The following AKAP13 variants were observed in gnomAD, a reference collection of about 807,000 sequenced individuals.
The protein encoded by AKAP13 is A-kinase anchoring protein 13, also known as A-kinase anchor protein 13.
A neutral mutation model predicts 264.5 loss-of-function variants in AKAP13; 80 were observed. That is an observed-to-expected ratio of 0.30 (90% CI 0.25 to 0.36). The LOEUF (loss-of-function observed/expected upper bound fraction) is 0.36, where lower values mean the gene tolerates loss of function less well. Ranked by LOEUF, AKAP13 falls within the 10% of genes least tolerant of loss-of-function variation. The pLI is 1.00. For synonymous variants in AKAP13, 1,380 were observed against 1,250.2 expected, an observed-to-expected ratio of 1.10 and a Z score of -2.19; for missense variants, 3,712 against 3,435.2, an observed-to-expected ratio of 1.08 and a Z score of -2.01.
chr15:85,691,705 C>G, intron 16 of AKAP13: 1 of 430,176 alleles, frequency 2.3e-6, no homozygotes, highest in Non-Finnish European at 4.7e-6. Flanking sequence ...TGCTGGTGTC[C>G]CCTGTGCTTT....
chr15:85,391,581 C>T (rs2070858599), intron 1 of AKAP13, among the ~76,000 whole-genome samples: 1 of 146,534 alleles, frequency 6.8e-6, no homozygotes, highest in Non-Finnish European at 1.5e-5. Context: ...CCCTTCTGGG[C>T]TCAAGTGAGT....
At chr15:85,476,343 A>G (rs566758344) in intron 1 of AKAP13, among the ~76,000 whole-genome samples, 1 of 152,318 alleles carries the variant, frequency 6.6e-6, no homozygotes, top group East Asian at 1.9e-4. Context: ...AGAGTACCTT[A>G]TCTGTTGGAA....
intron 15 of AKAP13, among the ~76,000 whole-genome samples, chr15:85,682,837 T>C (rs2151606332): frequency 6.6e-6 from 1 of 152,226 alleles, no homozygotes; most frequent in East Asian, 1.9e-4. Flanking sequence ...CCAGCTAATT[T>C]TGTATTTTTA....
chr15:85,748,762 G>GTGCAACCCCCCACTGGC lies in AKAP13; in HGVS notation c.*4088_*4104dup, dbSNP rs1567232106. Reference sequence around the variant, plus strand: ...CTCCATCTCACTAAGGGTTAAAGGCGTGCAACCCCCCACTGGCTGTGTCCC... The same window carrying GTGCAACCCCCCACTGGC: ...CTCCATCTCACTAAGGGTTAAAGGCGTGCAACCCCCCACTGGCTGCAACCCCCCACTGGCTGTGTCCC... On this transcript the variant is annotated 3_prime_UTR_variant, in exon 37 of 37. Transcript: ENST00000394518. 3 of 152,246 alleles carry GTGCAACCCCCCACTGGC rather than the reference G, an allele frequency of 2.0e-5. No homozygotes were observed. The highest frequency in any genetic ancestry group is 4.4e-5 in the Non-Finnish European group (3 of 68,072). The allele number at this position is 152,246 out of a possible 1,614,324, so 9.4% of individuals were successfully genotyped here.
In AKAP13 at chr15:85,570,511, G is replaced by A. The variant is rs575292127; in HGVS notation, c.663-4620G>A. Reference sequence around the variant, plus strand: ...CACAAAGCCTTAAAATGTTGAAATGGCTGGAAAGGAGGTAGAGATGGTGAG... The same window carrying A: ...CACAAAGCCTTAAAATGTTGAAATGACTGGAAAGGAGGTAGAGATGGTGAG... On this transcript the variant is annotated intron_variant, in intron 5 of 36. Coordinates refer to ENST00000394518, the MANE Select transcript of AKAP13 (RefSeq NM_007200.5). Among the ~76,000 whole-genome samples, 8 of 152,272 alleles carry A rather than the reference G, an allele frequency of 5.3e-5. No homozygotes were observed. In the South Asian group the frequency reaches 1.7e-3, roughly 32 times the overall value.
chr15:85,736,912 C>CTT (rs11407996), intron 33 of AKAP13, among the ~76,000 whole-genome samples: 14,403 of 97,974 alleles, frequency 0.15, 1,812 homozygotes, highest in East Asian at 0.21. Context: ...ATATCATCAT[C>CTT]TTTTTTTTTT....
At chr15:85,456,550 GTT>G (rs34952196) in intron 1 of AKAP13, among the ~76,000 whole-genome samples, 1,531 of 121,818 alleles carry the variant, frequency 0.013, 9 homozygotes, top group Middle Eastern at 0.021. Flanking sequence ...CCCACTTTCT[GTT>G]TTTTTTTTTT....
chr15:85,520,782 AC>A, intron 2 of AKAP13: 2 of 504,034 alleles, frequency 4.0e-6, no homozygotes, highest in Admixed American at 4.1e-5. Context: ...CTATGGGGAT[AC>A]GTTCTGAGAA....
intron 1 of AKAP13, among the ~76,000 whole-genome samples, chr15:85,391,280 C>CT (rs2070840526): frequency 1.3e-5 from 2 of 152,136 alleles, no homozygotes; most frequent in Non-Finnish European, 2.9e-5. Context: ...TTAGTGAACT[C>CT]TATTTTCCAT....
intron 1 of AKAP13, among the ~76,000 whole-genome samples, chr15:85,449,821 T>C (rs1207850774): frequency 6.6e-6 from 1 of 152,202 alleles, no homozygotes; most frequent in Admixed American, 6.5e-5. Context: ...GTTTTGCAAG[T>C]ATTTTATTGA....
chr15:85,619,009 A>C (rs556658418), intron 8 of AKAP13, among the ~76,000 whole-genome samples: 1 of 152,164 alleles, frequency 6.6e-6, no homozygotes, highest in African/African-American at 2.4e-5. Flanking sequence ...GGTAGTTTCA[A>C]TTTTCTGTAC....
rs746976845 is a variant in AKAP13, at chr15:85,655,649, A to C, written c.4607A>C (p.Glu1536Ala). ...EPADPGDVEEEEMDSITEVPA... is the reference protein window; with the variant it reads ...EPADPGDVEEAEMDSITEVPA... ...GCTGACCCAGGCGACGTGGAGGAGG[A>C]GGAGATGGACAGTATCACTGAAGTG... is the stretch of plus-strand genomic sequence containing the variant. Residue 1536 changes from glutamate to alanine, a missense_variant, in exon 11 of 37, where the codon GAG becomes GCG. Physicochemically the swap from Glu to Ala is moderately radical, Grantham distance 107. This residue lies in a region of AKAP13 where 2,759 missense variants were observed against 2,411.7 expected (regional missense o/e 1.14). Coordinates refer to ENST00000394518, the MANE Select transcript of AKAP13 (RefSeq NM_007200.5). 1.2e-6 allele frequency: 2 copies of C among 1,614,170 alleles called. No individual in the cohort carries two copies. Among genetic ancestry groups the C allele is most frequent in the Admixed American group, 3.3e-5 (2 of 60,024 alleles).
chr15:85,658,807 A>G (rs957763741), intron 12 of AKAP13, among the ~76,000 whole-genome samples: 1 of 152,126 alleles, frequency 6.6e-6, no homozygotes, highest in Non-Finnish European at 1.5e-5. Flanking sequence ...TATCTTTTTT[A>G]AAAATTATTT....
chr15:85,669,788 A>G lies in AKAP13; in HGVS notation c.5059A>G (p.Lys1687Glu). ...CTSAISSPLTKSISLMTISHP... is the reference protein window; with the variant it reads ...CTSAISSPLTESISLMTISHP... ...ATCAGCCATTTCCTCTCCATTGACA[A>G]AATCCATCTCATTAATGACAATCAG... is the stretch of plus-strand genomic sequence containing the variant. Residue 1687 changes from lysine to glutamate, a missense_variant, in exon 14 of 37, where the codon AAA (lysine) becomes GAA (glutamate). Physicochemically the swap from Lys to Glu is moderately conservative, Grantham distance 56. Coordinates refer to ENST00000394518, the MANE Select transcript of AKAP13 (RefSeq NM_007200.5). The G allele has an allele frequency of 4.3e-6, 7 of 1,613,560 alleles. No individual in the cohort carries two copies. Among genetic ancestry groups the G allele is most frequent in the Non-Finnish European group, 5.9e-6 (7 of 1,179,544 alleles).
chr15:85,462,597 A>G lies in AKAP13; in HGVS notation c.-11-23113A>G, dbSNP rs558327921. ...TGGAGATTGGATCCCAAGATGACCTACATGTTAAACTTAGCTGATAAGGAT... is the reference window on the plus strand; with the variant it reads ...TGGAGATTGGATCCCAAGATGACCTGCATGTTAAACTTAGCTGATAAGGAT... On this transcript the variant is annotated intron_variant, in intron 1 of 36. Coordinates refer to ENST00000394518, the MANE Select transcript of AKAP13 (RefSeq NM_007200.5). 2.3e-4 allele frequency among the ~76,000 whole-genome samples: 35 copies of G among 152,364 alleles called. No individual in the cohort carries two copies. In the South Asian group the frequency reaches 6.8e-3, roughly 30 times the overall value.
chr15:85,480,004 G>A (rs191772576), intron 1 of AKAP13, among the ~76,000 whole-genome samples: 1 of 152,180 alleles, frequency 6.6e-6, no homozygotes, highest in Non-Finnish European at 1.5e-5. Flanking sequence ...GTGATGTATT[G>A]AATGACAAGG....
intron 2 of AKAP13, among the ~76,000 whole-genome samples, chr15:85,501,118 T>A (rs186275431): frequency 9.0e-4 from 137 of 152,296 alleles, no homozygotes; most frequent in Non-Finnish European, 1.6e-3. Context: ...GTGAACACCA[T>A]TTTCTTCTCA....
chr15:85,512,845 GTA>G (rs1376546164), intron 2 of AKAP13, among the ~76,000 whole-genome samples: 3 of 151,524 alleles, frequency 2.0e-5, no homozygotes. Context: ...ATGTATGTAT[GTA>G]TGTATGTATG....
At chr15:85,643,409 C>T (rs2082403066) in intron 9 of AKAP13, among the ~76,000 whole-genome samples, 1 of 152,116 alleles carries the variant, frequency 6.6e-6, no homozygotes, top group African/African-American at 2.4e-5. Flanking sequence ...CAGCCTTGAC[C>T]CTTGCTCTAA....
Sources: allele counts gnomAD v4.1 joint callset (sites outside exome capture counted in the v4.1 genomes callset), GRCh38; gene constraint gnomAD v4.1.1; regional missense constraint gnomAD v4.1.1; transcripts MANE v1.5; gene names NCBI Gene and HGNC (gene_info 2026-07-23, HGNC 2026-07-21).